The following ARHGAP42 variants were observed in gnomAD, a reference collection of about 807,000 sequenced individuals.
The protein encoded by ARHGAP42 is Rho GTPase activating protein 42, also known as rho GTPase-activating protein 42.
ARHGAP42 carries 63 observed loss-of-function variants against 125.0 expected under a neutral mutation model. The ratio of observed to expected loss-of-function variants is 0.50; its 90% CI spans 0.41 to 0.62. The LOEUF is 0.62. Ranked by LOEUF, ARHGAP42 falls within the 20% of genes least tolerant of loss-of-function variation. The pLI is 0.00. For synonymous variants in ARHGAP42, 339 were observed against 351.0 expected (o/e 0.97, Z 0.38); for missense variants, 766 against 1,024.2 (o/e 0.75, Z 3.44).
chr11:100,874,867 G>T (rs1373692115), intron 4 of ARHGAP42, among the ~76,000 whole-genome samples: 1 of 152,106 alleles, frequency 6.6e-6, no homozygotes, highest in African/African-American at 2.4e-5. Flanking sequence ...AGTGAATCCA[G>T]TGTCTTCTGT....
intron 3 of ARHGAP42, among the ~76,000 whole-genome samples, chr11:100,806,319 C>T: frequency 1.3e-5 from 2 of 152,238 alleles, no homozygotes; most frequent in Middle Eastern, 6.8e-3. Flanking sequence ...ATTATTTTTG[C>T]CGTACATCTT....
At chr11:100,694,220 A>T (rs1388076787) in intron 1 of ARHGAP42, among the ~76,000 whole-genome samples, 1 of 152,180 alleles carries the variant, frequency 6.6e-6, no homozygotes, top group Non-Finnish European at 1.5e-5. Flanking sequence ...GGCATGATCC[A>T]TAGCACCTGG....
At position 100,735,958 on chromosome 11, in the gene ARHGAP42, A is replaced by G. The variant is rs563357214; in HGVS notation, c.155-34385A>G. ...TGTTTCATATCCTATTTGAGCGGCTATCTTTGTTTACCTAGGTAATGTAGT... is the reference window on the plus strand; with the variant it reads ...TGTTTCATATCCTATTTGAGCGGCTGTCTTTGTTTACCTAGGTAATGTAGT... On this transcript the variant is annotated intron_variant, in intron 1 of 23. Transcript: ENST00000298815. Among the ~76,000 whole-genome samples, 11 of 152,234 alleles carry G rather than the reference A, an allele frequency of 7.2e-5. No individual in the cohort carries two copies. In the South Asian group the frequency reaches 1.9e-3, roughly 26 times the overall value.
chr11:100,890,917 G>T (rs1325016453), intron 4 of ARHGAP42, among the ~76,000 whole-genome samples: 1 of 152,136 alleles, frequency 6.6e-6, no homozygotes, highest in Non-Finnish European at 1.5e-5. Flanking sequence ...TTGGGAAGCT[G>T]CCCCTGTTTC....
At chr11:100,779,562 G>GTATATATATACGTATACATACGTA (rs367827582) in intron 2 of ARHGAP42, among the ~76,000 whole-genome samples, 1 of 89,690 alleles carries the variant, frequency 1.1e-5, no homozygotes, top group African/African-American at 4.1e-5. Flanking sequence ...ATATACATAC[G>GTATATATATACGTATACATACGTA]TATATATACG....
rs867774445 is a variant in ARHGAP42, at chr11:100,779,537, T to C, written c.250+9099T>C. The stretch of plus-strand genomic sequence containing the variant: ...ATATATACGTATACATGCGTATATA[T>C]ACGTATATATATACATATACATACG... On this transcript the variant is annotated intron_variant, in intron 2 of 23. Coordinates refer to ENST00000298815, the MANE Select transcript of ARHGAP42 (RefSeq NM_152432.4). Among the ~76,000 whole-genome samples the C allele has an allele frequency of 7.9e-4, 96 of 122,102 alleles. 3 individuals carry two copies. Among genetic ancestry groups the C allele is most frequent in the East Asian group, 2.8e-3 (9 of 3,186 alleles). The allele number at this position is 122,102 out of a possible 152,430, so 80.1% of individuals were successfully genotyped here.
Position 100,807,476 on chromosome 11 carries a change from G to A in ARHGAP42, c.312+12310G>A, listed in dbSNP as rs1222219109. Among the ~76,000 whole-genome samples, 4 of 152,278 alleles carry A rather than the reference G, an allele frequency of 2.6e-5. No homozygotes were observed. The East Asian group carries it at 5.8e-4, about 22-fold the overall frequency. On this transcript the variant is annotated intron_variant, in intron 3 of 23. Transcript: ENST00000298815. ...CTCCCAAAGTGCTAGGATTACAGGC[G>A]TGAGCCACCGGGTCCGGCCTTTTTA...
rs1003898797 is a variant in ARHGAP42 at position 100,838,619 on chromosome 11, G to A, written c.313-20935G>A. Among the ~76,000 whole-genome samples, 11 of 152,096 alleles carry A rather than the reference G, an allele frequency of 7.2e-5. No individual in the cohort carries two copies. The East Asian group carries it at 2.1e-3, about 29-fold the overall frequency. Reference sequence around the variant, plus strand: ...CACATGGGAGGATCACTTGAGCCCAGGAGGTCAAGGTTACAGTGAGCCATG... The same window carrying A: ...CACATGGGAGGATCACTTGAGCCCAAGAGGTCAAGGTTACAGTGAGCCATG... On this transcript the variant is annotated intron_variant, in intron 3 of 23. Transcript: ENST00000298815.
At chr11:100,940,419 T>C (rs513057) in intron 8 of ARHGAP42, among the ~76,000 whole-genome samples, 134,209 of 152,136 alleles carry the variant, frequency 0.88, 59,292 homozygotes, top group East Asian at 1. Flanking sequence ...ATCCACTCAG[T>C]CCACTATGGT....
intron 4 of ARHGAP42, among the ~76,000 whole-genome samples, chr11:100,893,185 G>GTT (rs1866264750): frequency 6.6e-6 from 1 of 151,786 alleles, no homozygotes; most frequent in African/African-American, 2.4e-5. Context: ...GTGTGTGTGT[G>GTT]TGTTTCTTTT....
chr11:100,979,132 G>A, intron 22 of ARHGAP42, 83 bp downstream of exon 22: 1 of 1,332,936 alleles, frequency 7.5e-7, no homozygotes, highest in Non-Finnish European at 1.1e-6. Flanking sequence ...CTCTGTGACA[G>A]CTCCGCCTCT....
chr11:100,947,884 G>A (rs974222963), intron 10 of ARHGAP42, among the ~76,000 whole-genome samples: 3 of 151,638 alleles, frequency 2.0e-5, no homozygotes, highest in Admixed American at 2.0e-4. Flanking sequence ...TTTCTTTCTT[G>A]AAGTATATCC....
chr11:100,749,741 C>T (rs535963026), intron 1 of ARHGAP42, among the ~76,000 whole-genome samples: 62 of 152,272 alleles, frequency 4.1e-4, no homozygotes, highest in Non-Finnish European at 7.5e-4. Flanking sequence ...AGGACCCACT[C>T]GCTCCGTCCA....
chr11:100,939,976 T>C (rs554182683), intron 8 of ARHGAP42, among the ~76,000 whole-genome samples: 34 of 152,332 alleles, frequency 2.2e-4, no homozygotes, highest in African/African-American at 7.7e-4. Context: ...TACGAGAATT[T>C]CTATCCAGTC....
intron 4 of ARHGAP42, among the ~76,000 whole-genome samples, chr11:100,884,971 G>T (rs1591266944): frequency 1.3e-5 from 2 of 152,164 alleles, no homozygotes; most frequent in Non-Finnish European, 2.9e-5. Context: ...AGATGTGGCT[G>T]CAGGGGGAGA....
At chr11:100,826,850 T>A (rs1265618486) in intron 3 of ARHGAP42, among the ~76,000 whole-genome samples, 1 of 152,110 alleles carries the variant, frequency 6.6e-6, no homozygotes, top group East Asian at 1.9e-4. Flanking sequence ...AGAAGGGAGT[T>A]ACCAGATCAA....
At chr11:100,965,893 A>G (rs1858078261) in intron 17 of ARHGAP42, 117 bp downstream of exon 17, 1 of 933,146 alleles carries the variant, frequency 1.1e-6, no homozygotes, top group African/African-American at 1.7e-5. Flanking sequence ...AGTCCATTGA[A>G]TTTGCTTAAA....
At chr11:100,709,481 A>G (rs550708946) in intron 1 of ARHGAP42, among the ~76,000 whole-genome samples, 7 of 152,312 alleles carry the variant, frequency 4.6e-5, no homozygotes, top group Non-Finnish European at 7.4e-5. Flanking sequence ...GAGACAGTCA[A>G]TATTTCATTG....
intron 4 of ARHGAP42, among the ~76,000 whole-genome samples, chr11:100,877,421 C>A (rs1865846951): frequency 6.6e-6 from 1 of 152,182 alleles, no homozygotes; most frequent in South Asian, 2.1e-4. Context: ...CTTCTTTGCT[C>A]ATGTAAGTTT....
Sources: gnomAD v4.1 joint callset for allele counts (sites outside exome capture counted in the v4.1 genomes callset) on GRCh38, gnomAD v4.1.1 for gene constraint, MANE v1.5 for transcripts, NCBI Gene and HGNC (gene_info 2026-07-23, HGNC 2026-07-21) for gene names.